PRKN: variants seen among roughly 807,000 people sequenced by gnomAD.
PRKN encodes parkin RBR E3 ubiquitin protein ligase.
In PRKN, 56 loss-of-function variants were observed where a neutral mutation model predicts 59.5. The observed-to-expected ratio is 0.94, with a 90% CI of 0.76 to 1.18. PRKN has a LOEUF of 1.18. Among genes scored for constraint, PRKN ranks in the 50% most tolerant of loss-of-function variants. PRKN has a pLI of 0.00. For synonymous variants in PRKN, 250 were observed against 222.1 expected (o/e 1.13, Z -1.12); for missense variants, 657 against 596.4 (o/e 1.10, Z -1.06).
At chr6:162,494,341 G>C (rs1215811562) in intron 1 of PRKN, among the ~76,000 whole-genome samples, 1 of 152,160 alleles carries the variant, frequency 6.6e-6, no homozygotes. Context: ...TGCTTGTTTA[G>C]CACCCTGGTG....
At chr6:162,438,927 G>A (rs757968901) in intron 2 of PRKN, among the ~76,000 whole-genome samples, 4 of 152,136 alleles carry the variant, frequency 2.6e-5, no homozygotes, top group Non-Finnish European at 5.9e-5. Flanking sequence ...AACTTTAAAT[G>A]CTCTGTTGGA....
intron 5 of PRKN, among the ~76,000 whole-genome samples, chr6:162,006,476 C>T (rs1189075048): frequency 4.6e-5 from 7 of 152,148 alleles, no homozygotes; most frequent in Admixed American, 2.6e-4. Context: ...ACTGACTATC[C>T]TCTAGTGTTC....
At chr6:162,701,039 C>T (rs898116811) in intron 1 of PRKN, among the ~76,000 whole-genome samples, 11 of 151,972 alleles carry the variant, frequency 7.2e-5, no homozygotes, top group African/African-American at 2.4e-4. Flanking sequence ...TGTAAAGGCT[C>T]GGCTCTGGAC....
intron 7 of PRKN, among the ~76,000 whole-genome samples, chr6:161,746,970 A>G (rs925036394): frequency 1.6e-4 from 24 of 152,126 alleles, no homozygotes; most frequent in African/African-American, 5.8e-4. Context: ...TTATAATTAT[A>G]AATGCCCAAT....
At chr6:162,490,154 ACTGCCTG>A (rs1792737098) in intron 1 of PRKN, among the ~76,000 whole-genome samples, 1 of 152,150 alleles carries the variant, frequency 6.6e-6, no homozygotes, top group Non-Finnish European at 1.5e-5. Flanking sequence ...GACTTAAAAC[ACTGCCTG>A]CAGGAGCCTC....
intron 7 of PRKN, among the ~76,000 whole-genome samples, chr6:161,707,464 T>G (rs1487440045): frequency 6.6e-6 from 1 of 152,206 alleles, no homozygotes; most frequent in African/African-American, 2.4e-5. Context: ...CTAAAATTTA[T>G]AATACCATAT....
At chr6:161,635,963 T>A (rs186027023) in intron 7 of PRKN, among the ~76,000 whole-genome samples, 1 of 152,224 alleles carries the variant, frequency 6.6e-6, no homozygotes, top group East Asian at 1.9e-4. Context: ...TGAAGACAGG[T>A]GCCCCTTCAT....
chr6:161,979,248 A>T (rs1781170301), intron 5 of PRKN, among the ~76,000 whole-genome samples: 1 of 152,062 alleles, frequency 6.6e-6, no homozygotes, highest in Admixed American at 6.6e-5. Context: ...ATATTGTGAC[A>T]CTGTTAAATG....
At chr6:162,671,875 A>G (rs1165134034) in intron 1 of PRKN, among the ~76,000 whole-genome samples, 1 of 152,128 alleles carries the variant, frequency 6.6e-6, no homozygotes, top group Non-Finnish European at 1.5e-5. Flanking sequence ...TGCTGAGAGG[A>G]GGAGAGAGGG....
intron 7 of PRKN, among the ~76,000 whole-genome samples, chr6:161,614,990 AGAGAGAGAG>A (rs1175207599): frequency 1.4e-4 from 21 of 151,696 alleles, no homozygotes; most frequent in African/African-American, 5.1e-4. Context: ...AGAGAGAGAG[AGAGAGAGAG>A]AACACTGAAA....
At chr6:161,605,759 C>T (rs1200600848) in intron 7 of PRKN, among the ~76,000 whole-genome samples, 1 of 152,118 alleles carries the variant, frequency 6.6e-6, no homozygotes, top group Non-Finnish European at 1.5e-5. Flanking sequence ...GTCTGCCTGC[C>T]TCGGCCTCCC....
At chr6:161,789,660 C>G (rs1428053559) in intron 6 of PRKN, among the ~76,000 whole-genome samples, 1 of 152,168 alleles carries the variant, frequency 6.6e-6, no homozygotes, top group East Asian at 1.9e-4. Context: ...TACTTCAATA[C>G]TGGCCTGACT....
intron 7 of PRKN, among the ~76,000 whole-genome samples, chr6:161,677,113 T>C (rs1785115935): frequency 6.6e-6 from 1 of 152,230 alleles, no homozygotes; most frequent in African/African-American, 2.4e-5. Context: ...TGCCTTTCAC[T>C]AAGGCATTTT....
At chr6:162,643,423 A>G (rs1387487668) in intron 1 of PRKN, among the ~76,000 whole-genome samples, 2 of 151,174 alleles carry the variant, frequency 1.3e-5, no homozygotes, top group African/African-American at 4.8e-5. Flanking sequence ...AAAGAAAGAA[A>G]GAACAACAAG....
intron 9 of PRKN, among the ~76,000 whole-genome samples, chr6:161,532,792 G>T (rs73593414): frequency 0.018 from 2,707 of 152,186 alleles, 75 homozygotes; most frequent in African/African-American, 0.062. Flanking sequence ...GGATATCTGA[G>T]TCAAGAAGGG....
intron 2 of PRKN, among the ~76,000 whole-genome samples, chr6:162,329,238 G>A (rs1783459596): frequency 6.6e-6 from 1 of 152,112 alleles, no homozygotes; most frequent in South Asian, 2.1e-4. Context: ...AAATGAGGAC[G>A]GAAGAGCGGG....
At chr6:162,024,229 A>G (rs111619089) in intron 5 of PRKN, among the ~76,000 whole-genome samples, 10,190 of 97,954 alleles carry the variant, frequency 0.1, 468 homozygotes, top group Middle Eastern at 0.28. Flanking sequence ...ACAGAGTTTC[A>G]CTCTGTTGCC....
chr6:162,685,205 C>G (rs1285126607), intron 1 of PRKN, among the ~76,000 whole-genome samples: 1 of 152,128 alleles, frequency 6.6e-6, no homozygotes, highest in African/African-American at 2.4e-5. Context: ...TGCCACGAAG[C>G]ATGTTGCACA....
At chr6:162,396,424 A>G (rs766073403) in intron 2 of PRKN, among the ~76,000 whole-genome samples, 1 of 152,080 alleles carries the variant, frequency 6.6e-6, no homozygotes. Flanking sequence ...AGTTCTGGCT[A>G]ACAAGGTGGA....
Sources: allele counts gnomAD v4.1 joint callset (sites outside exome capture counted in the v4.1 genomes callset), GRCh38; gene constraint gnomAD v4.1.1; transcripts MANE v1.5; gene names NCBI Gene and HGNC (gene_info 2026-07-23, HGNC 2026-07-21).